The following OTC variants were observed in gnomAD, a reference collection of about 807,000 sequenced individuals.
OTC encodes ornithine transcarbamylase.
In OTC, 3 loss-of-function variants were observed where a neutral mutation model predicts 30.3. The observed-to-expected ratio is 0.10, with a 90% confidence interval of 0.05 to 0.26. The LOEUF (loss-of-function observed/expected upper bound fraction) is 0.26. Among genes scored for constraint, OTC ranks in the 10% least tolerant of loss-of-function variants. The probability of loss-of-function intolerance (pLI) is 1.00; values close to 1 mark genes in which losing one functional copy is unlikely to be tolerated. For synonymous variants in OTC, 111 were observed against 99.7 expected, an observed-to-expected ratio of 1.11 and a Z score of -0.67; for missense variants, 194 against 260.3, an observed-to-expected ratio of 0.75 and a Z score of 1.75.
At chrX:38,407,551 T>G (rs751862146) in intron 6 of OTC, among the ~76,000 whole-genome samples, 43 of 111,288 alleles carry the variant, frequency 3.9e-4, no homozygotes, top group Admixed American at 1.1e-3. Flanking sequence ...GACTTCCATA[T>G]GGAGGGTCTT....
At chrX:38,407,871 A>AAGG (rs2068522844) in intron 6 of OTC, among the ~76,000 whole-genome samples, 1 of 111,423 alleles carries the variant, frequency 9.0e-6, no homozygotes, top group Non-Finnish European at 1.9e-5. Context: ...TAGGTTGGAG[A>AAGG]GTGAGGGTAG....
intron 4 of OTC, among the ~76,000 whole-genome samples, chrX:38,386,705 G>A (rs908201201): frequency 8.9e-6 from 1 of 112,134 alleles, no homozygotes; most frequent in Non-Finnish European, 1.9e-5. Context: ...TTCATCTGTT[G>A]ATGAATACTT....
intron 3 of OTC, among the ~76,000 whole-genome samples, chrX:38,370,556 C>G (rs1181745623): frequency 5.4e-5 from 6 of 111,553 alleles, no homozygotes; most frequent in Non-Finnish European, 9.4e-5. Context: ...AAAGGGGTCA[C>G]TGGAGAACCT....
intron 9 of OTC, among the ~76,000 whole-genome samples, 165 bp from the exon 10 acceptor site, chrX:38,420,858 T>G (rs2068591557): frequency 9.0e-6 from 1 of 111,418 alleles, no homozygotes; most frequent in African/African-American, 3.3e-5. Context: ...CCTCCTCCAA[T>G]AAATAAATAA....
At chrX:38,328,847 T>G in the OTC span, among the ~76,000 whole-genome samples, 2 of 111,637 alleles carry the variant, frequency 1.8e-5, no homozygotes, top group East Asian at 2.8e-4. Context: ...TGGAGTACAG[T>G]TCATTGGTGC....
intron 9 of OTC, 138 bp from the exon 10 acceptor site, chrX:38,420,885 G>A: frequency 2.1e-6 from 1 of 487,267 alleles, no homozygotes; most frequent in Non-Finnish European, 3.7e-6. Flanking sequence ...GTTCAGAACT[G>A]TTCTCTTACC....
the OTC span, among the ~76,000 whole-genome samples, chrX:38,328,526 G>C: frequency 2.7e-5 from 3 of 111,908 alleles, no homozygotes; most frequent in Non-Finnish European, 5.6e-5. Context: ...GAGGGGGAGA[G>C]AGCTCTTGGC....
chrX:38,357,103 G>T (rs1405420043), intron 1 of OTC, among the ~76,000 whole-genome samples: 1 of 111,615 alleles, frequency 9.0e-6, no homozygotes, highest in African/African-American at 3.3e-5. Flanking sequence ...GGAAGACATA[G>T]ACAAAGAGAA....
chrX:38,350,644 C>T (rs4826994), upstream of OTC, among the ~76,000 whole-genome samples: 34,293 of 110,693 alleles, frequency 0.31, 4,039 homozygotes, highest in East Asian at 0.6. Context: ...TGTGATGCAG[C>T]TCCCCTTTTC....
At chrX:38,420,952 C>T in intron 9 of OTC, 71 bp from the exon 10 acceptor site, 1 of 788,683 alleles carries the variant, frequency 1.3e-6, no homozygotes, top group Non-Finnish European at 1.9e-6. Flanking sequence ...ACCTAATTCA[C>T]CTTCTCTAGG....
the OTC span, among the ~76,000 whole-genome samples, chrX:38,331,928 G>A: frequency 2.7e-5 from 3 of 110,385 alleles, no homozygotes; most frequent in African/African-American, 9.9e-5. Flanking sequence ...AATATATATC[G>A]CAACCCCAGG....
chrX:38,354,539 T>C (rs749510334), intron 1 of OTC, among the ~76,000 whole-genome samples: 173 of 102,081 alleles, frequency 1.7e-3, no homozygotes, highest in Non-Finnish European at 2.2e-3. Flanking sequence ...CAGTTGAACT[T>C]TTTTTTTTTG....
chrX:38,416,160 A>T (rs1418149287), intron 9 of OTC, among the ~76,000 whole-genome samples: 2 of 112,101 alleles, frequency 1.8e-5, no homozygotes, highest in Non-Finnish European at 3.8e-5. Flanking sequence ...CTAAAATAGG[A>T]TGAAGGGCTT....
chrX:38,367,828 C>G (rs1323141919), intron 2 of OTC, among the ~76,000 whole-genome samples: 1 of 110,054 alleles, frequency 9.1e-6, no homozygotes, highest in Non-Finnish European at 1.9e-5. Flanking sequence ...AGGAATTCTC[C>G]CGCCTCAGCC....
intron 4 of OTC, among the ~76,000 whole-genome samples, chrX:38,391,301 G>A (rs993403831): frequency 1.8e-5 from 2 of 110,950 alleles, no homozygotes; most frequent in African/African-American, 6.6e-5. Context: ...GTTAAATGAC[G>A]AGTTGATGGG....
intron 9 of OTC, among the ~76,000 whole-genome samples, chrX:38,420,343 T>C (rs1432915782): frequency 9.0e-6 from 1 of 111,195 alleles, no homozygotes; most frequent in East Asian, 2.8e-4. Context: ...GGCACAGTGC[T>C]TGAAAAATAT....
intron 9 of OTC, among the ~76,000 whole-genome samples, chrX:38,419,840 T>C (rs774942401): frequency 1.7e-4 from 19 of 111,260 alleles, no homozygotes; most frequent in African/African-American, 5.2e-4. Context: ...AGTAGAATGA[T>C]GATTACCAGA....
the OTC span, among the ~76,000 whole-genome samples, chrX:38,339,211 A>G: frequency 9.0e-6 from 1 of 111,536 alleles, no homozygotes; most frequent in East Asian, 2.8e-4. Flanking sequence ...AAATCACTGT[A>G]CCTTTCTGGT....
rs6608762 is a variant in OTC, at chrX:38,380,588, A to T, written c.299-754A>T. ...ACAGGGAAGACTGTGTCAAAAAATA[A>T]ATAAATAAAAATGAAAGGCTTGAAA... On this transcript the variant is annotated intron_variant, in intron 3 of 9. Transcript: ENST00000039007. 4.5e-4 allele frequency among the ~76,000 whole-genome samples: 50 copies of T among 110,822 alleles called. 1 individual carries two copies. The Admixed American group carries it at 4.7e-3, about 10-fold the overall frequency.
Sources: gnomAD v4.1 joint callset for allele counts (sites outside exome capture counted in the v4.1 genomes callset) on GRCh38, gnomAD v4.1.1 for gene constraint, MANE v1.5 for transcripts, NCBI Gene and HGNC (gene_info 2026-07-23, HGNC 2026-07-21) for gene names.